The following SIGLEC1 variants were observed in gnomAD, a reference collection of about 807,000 sequenced individuals.
SIGLEC1 encodes sialoadhesin.
A neutral mutation model predicts 148.0 loss-of-function variants in SIGLEC1; 132 were observed. The observed-to-expected ratio is 0.89, with a 90% confidence interval of 0.77 to 1.03. SIGLEC1 has a LOEUF of 1.03. Among genes scored for constraint, SIGLEC1 ranks in the 50% least tolerant of loss-of-function variants. The probability of loss-of-function intolerance (pLI) is 0.00; values close to 1 mark genes in which losing one functional copy is unlikely to be tolerated. For synonymous variants in SIGLEC1, 945 were observed against 969.0 expected, an observed-to-expected ratio of 0.98 and a Z score of 0.46; for missense variants, 2,253 against 2,271.4, an observed-to-expected ratio of 0.99 and a Z score of 0.16.
chr20:3,688,505 G>C lies in SIGLEC1; in HGVS notation c.*55C>G, dbSNP rs2088721438. ...CTGCCTCATTCACATTCATAGGCTG[G>C]AGTCATCACAGATTCTGGCCACTTT... On this transcript the variant is annotated 3_prime_UTR_variant, in exon 22 of 22. Transcript: ENST00000344754. 3 of 1,388,432 alleles carry C rather than the reference G, an allele frequency of 2.2e-6. No individual in the cohort carries two copies. The highest frequency in any genetic ancestry group is 3.0e-6 in the Non-Finnish European group (3 of 996,998). 86.0% of individuals were successfully genotyped at this position (1,388,432 alleles called of 1,614,324 possible).
intron 5 of SIGLEC1, 52 bp from the exon 6 acceptor site, chr20:3,703,503 CA>C (rs753206766): frequency 4.0e-5 from 62 of 1,531,300 alleles, no homozygotes; most frequent in Non-Finnish European, 5.1e-5. Flanking sequence ...CTTCCAGCCC[CA>C]GCCCCATACA....
In SIGLEC1 at chr20:3,692,208, G is replaced by T. The variant is rs535849830; in HGVS notation, c.4031-6C>A. 2.2e-5 allele frequency: 34 copies of T among 1,534,012 alleles called. 1 individual carries two copies. The South Asian group carries it at 3.8e-4, about 17-fold the overall frequency. ...GACAGCGTCCTGAGGGGCATCTGTG[G>T]GCAGGCAGGGCACAGATGGGGACCT... On this transcript the variant is annotated splice_region_variant and splice_polypyrimidine_tract_variant and intron_variant, in intron 16 of 21. Transcript: ENST00000344754.
chr20:3,696,129 T>TACACACAA (rs2088819473), intron 11 of SIGLEC1, among the ~76,000 whole-genome samples: 2 of 142,426 alleles, frequency 1.4e-5, no homozygotes, highest in African/African-American at 5.5e-5. Flanking sequence ...ACTATATATA[T>TACACACAA]ACACACACAC....
chr20:3,691,225 C>T (rs2088757289), intron 18 of SIGLEC1, 115 bp downstream of exon 18: 1 of 1,358,264 alleles, frequency 7.4e-7, no homozygotes, highest in Admixed American at 1.9e-5. Context: ...AGGATTCCAA[C>T]CCAGGACTCA....
rs1412151917 is a variant in SIGLEC1 at position 3,688,489 on chromosome 20, T to G, written c.*71A>C. ...CGGGCAGGACTCAACACTGCCTCATTCACATTCATAGGCTGGAGTCATCAC... is the reference window on the plus strand; with the variant it reads ...CGGGCAGGACTCAACACTGCCTCATGCACATTCATAGGCTGGAGTCATCAC... On this transcript the variant is annotated 3_prime_UTR_variant, in exon 22 of 22. Transcript: ENST00000344754. 2 of 1,295,260 alleles carry G rather than the reference T, an allele frequency of 1.5e-6. No homozygotes were observed. Among genetic ancestry groups the G allele is most frequent in the African/African-American group, 1.5e-5 (1 of 68,026 alleles). 80.2% of individuals were successfully genotyped at this position (1,295,260 alleles called of 1,614,324 possible).
intron 3 of SIGLEC1, 21 bp from the exon 4 acceptor site, chr20:3,706,061 G>T: frequency 6.2e-7 from 1 of 1,600,028 alleles, no homozygotes; most frequent in Non-Finnish European, 8.5e-7. Context: ...AGACAGCAGT[G>T]CTCAGGACCC....
rs764647352 is a variant in SIGLEC1, at chr20:3,703,989, G to T, written c.809C>A (p.Ala270Glu). The T allele has an allele frequency of 1.2e-6, 2 of 1,612,902 alleles. No homozygotes were observed. Among genetic ancestry groups the T allele is most frequent in the Non-Finnish European group, 1.7e-6 (2 of 1,179,288 alleles). Residue 270 changes from alanine (A) to glutamate (E), a missense_variant, in exon 5 of 22, where the codon GCA becomes GAA. Transcript: ENST00000344754. ...LTCQVNSSYP[A>E]VSSIKWLKDG... ...CTTGAGCCACTTAATGGAACTGACT[G>T]CAGGGTAGCTGCTGTTCACCTGGCA...
Position 3,691,914 on chromosome 20 carries a change from A to C in SIGLEC1, c.4319T>G (p.Leu1440Trp). Reference sequence around the variant, plus strand: ...TCTCTTCCACTCACCTTCTACCTGCAACCGCCCGATGGTGCTGATTGAGCC... The same window carrying C: ...TCTCTTCCACTCACCTTCTACCTGCCACCGCCCGATGGTGCTGATTGAGCC... The part of the protein sequence containing the change: ...LLGSISTIGR[L>W]QVEGARVVAE... Residue 1440 changes from leucine to tryptophan, a missense_variant, in exon 17 of 22, where the codon TTG becomes TGG. Physicochemically the swap from Leu to Trp is moderately conservative, Grantham distance 61. Coordinates refer to ENST00000344754, the MANE Select transcript of SIGLEC1 (RefSeq NM_023068.4). The C allele has an allele frequency of 8.9e-6, 14 of 1,576,298 alleles. No individual in the cohort carries two copies. The highest frequency in any genetic ancestry group is 1.2e-5 in the Non-Finnish European group (14 of 1,154,666).
At position 3,696,786 on chromosome 20, in the gene SIGLEC1, G is replaced by C; in HGVS notation, c.2483C>G (p.Ala828Gly). Residue 828 changes from alanine to glycine, a missense_variant, in exon 11 of 22, where the codon GCC becomes GGC. Transcript: ENST00000344754. ...TVDSRPLALL[A>G]LFHGEHLLAT... ...CAGGAGGTGCTCCCCATGGAACAAG[G>C]CCAGCAAGGCCAGGGGGCGGCTGTC... 6.2e-7 allele frequency: 1 copy of C among 1,612,760 alleles called. No homozygotes were observed. The highest frequency in any genetic ancestry group is 1.3e-5 in the African/African-American group (1 of 75,048).
At chr20:3,702,213 T>A (rs1279444569) in intron 6 of SIGLEC1, among the ~76,000 whole-genome samples, 1 of 152,176 alleles carries the variant, frequency 6.6e-6, no homozygotes, top group African/African-American at 2.4e-5. Flanking sequence ...GATTGTATTC[T>A]GGACCAGAAA....
intron 7 of SIGLEC1, among the ~76,000 whole-genome samples, chr20:3,701,108 G>A (rs570979892): frequency 6.6e-6 from 1 of 152,252 alleles, no homozygotes; most frequent in African/African-American, 2.4e-5. Context: ...GACTCTCCAA[G>A]TTTAGGGTCA....
chr20:3,697,470 G>C (rs2146524717), intron 9 of SIGLEC1, 128 bp from the exon 10 acceptor site: 2 of 1,189,172 alleles, frequency 1.7e-6, no homozygotes, highest in Non-Finnish European at 2.4e-6. Flanking sequence ...AGAAAAGCAA[G>C]CTAGCTCACA....
rs1600287303 is a variant in SIGLEC1 at position 3,701,325 on chromosome 20, G to A, written c.1528+17C>T. ...CAGGCTCCCTCCACTCTCCCTGGCT[G>A]CCAGTGCCCATCTTACCATTGGCAT... On this transcript the variant is annotated intron_variant, in intron 7 of 21. Transcript: ENST00000344754. The A allele has an allele frequency of 1.3e-6, 2 of 1,588,240 alleles. No individual in the cohort carries two copies. The highest frequency in any genetic ancestry group is 2.3e-5 in the South Asian group (2 of 86,348).
rs561778717 is a variant in SIGLEC1, at chr20:3,688,790, C to T, written c.5071-171G>A. ...AATCAGCTGCAGAAGGGACACACCACAGGGGAGGAGAAACTGACTTTCACT... is the reference window on the plus strand; with the variant it reads ...AATCAGCTGCAGAAGGGACACACCATAGGGGAGGAGAAACTGACTTTCACT... On this transcript the variant is annotated intron_variant, in intron 21 of 21. Coordinates refer to ENST00000344754, the MANE Select transcript of SIGLEC1 (RefSeq NM_023068.4). The T allele has an allele frequency of 1.5e-5, 9 of 611,674 alleles. No individual in the cohort carries two copies. In the South Asian group the frequency reaches 1.8e-4, roughly 12 times the overall value. 37.9% of individuals were successfully genotyped at this position (611,674 alleles called of 1,614,324 possible).
At chr20:3,700,951 G>A (rs6052017) in intron 7 of SIGLEC1, among the ~76,000 whole-genome samples, 23,817 of 151,876 alleles carry the variant, frequency 0.16, 4,040 homozygotes, top group African/African-American at 0.42. Flanking sequence ...CACCCACCTC[G>A]GCCTCCCAAA....
chr20:3,706,212 C>T (rs1412112946), intron 3 of SIGLEC1, 135 bp downstream of exon 3: 3 of 1,372,254 alleles, frequency 2.2e-6, no homozygotes, highest in Middle Eastern at 2.0e-4. Flanking sequence ...AGGCCTGGGC[C>T]TACGCCGGGG....
rs931609410 is a variant in SIGLEC1 at position 3,694,471 on chromosome 20, G to T, written c.3006C>A (p.Leu1002=). 6.2e-7 allele frequency: 1 copy of T among 1,601,546 alleles called. No individual in the cohort carries two copies. The change falls in exon 13 of 22, where the codon CTC becomes CTA. Residue 1002 remains leucine (L), a synonymous_variant. Coordinates refer to ENST00000344754, the MANE Select transcript of SIGLEC1 (RefSeq NM_023068.4). ...GGTCACTGTCCACACGGCACAGGAG[G>T]AGGCCCAGTCGTCCAGGGCCTGTGT... is the stretch of plus-strand genomic sequence containing the variant. ...LMDTGPGRLG[L]LLCRVDSDPP...
In SIGLEC1 at chr20:3,694,796, G is replaced by C; in HGVS notation, c.2811C>G (p.Leu937=). 6.2e-7 allele frequency: 1 copy of C among 1,613,646 alleles called. No homozygotes were observed. The highest frequency in any genetic ancestry group is 2.2e-5 in the East Asian group (1 of 44,876). The change falls in exon 12 of 22, where the codon CTC becomes CTG. Residue 937 remains leucine, a synonymous_variant. Coordinates refer to ENST00000344754, the MANE Select transcript of SIGLEC1 (RefSeq NM_023068.4). ...SYRWYRDGQP[L]QESTSATLRF... ...GGAGCGTGGCCGAGGTCGACTCCTGGAGGGGCTGGCCATCCCGATACCAAC... is the reference window on the plus strand; with the variant it reads ...GGAGCGTGGCCGAGGTCGACTCCTGCAGGGGCTGGCCATCCCGATACCAAC...
intron 11 of SIGLEC1, among the ~76,000 whole-genome samples, chr20:3,695,681 A>G (rs1395975798): frequency 2.0e-5 from 3 of 152,250 alleles, no homozygotes; most frequent in Non-Finnish European, 4.4e-5. Context: ...AAGAAAAGAT[A>G]CACAGAACCA....
Sources: gnomAD v4.1 joint callset for allele counts (sites outside exome capture counted in the v4.1 genomes callset) on GRCh38, gnomAD v4.1.1 for gene constraint, MANE v1.5 for transcripts, NCBI Gene and HGNC (gene_info 2026-07-23, HGNC 2026-07-21) for gene names.